Variants in EFCAB8 observed in about 807,000 individuals in gnomAD.
EFCAB8 encodes the protein EF-hand calcium binding domain 8.
EFCAB8 carries 100 observed loss-of-function variants against 116.3 expected under a neutral mutation model. That is an observed-to-expected ratio of 0.86 (90% confidence interval 0.73 to 1.02). The LOEUF (loss-of-function observed/expected upper bound fraction) is 1.02. Ranked by LOEUF, EFCAB8 falls within the 50% of genes least tolerant of loss-of-function variation. The probability of loss-of-function intolerance (pLI) is 0.00; values close to 1 mark genes in which losing one functional copy is unlikely to be tolerated. For synonymous variants in EFCAB8, 558 were observed against 567.9 expected (o/e 0.98, Z 0.25); for missense variants, 1,320 against 1,416.9 (o/e 0.93, Z 1.10).
intron 1 of EFCAB8, among the ~76,000 whole-genome samples, chr20:32,860,607 A>G (rs1022821947): frequency 6.7e-6 from 1 of 148,696 alleles, no homozygotes; most frequent in Non-Finnish European, 1.5e-5. Flanking sequence ...CCTGGGTTCA[A>G]GCGATTCTCG....
chr20:32,929,983 A>G (rs78150898), intron 20 of EFCAB8, among the ~76,000 whole-genome samples: 3,222 of 152,312 alleles, frequency 0.021, 128 homozygotes, highest in African/African-American at 0.072. Context: ...TGGCTGGAAA[A>G]TATGGATATT....
In EFCAB8 at chr20:32,908,422, G is replaced by A; in HGVS notation, c.1446+10G>A. 8.0e-7 allele frequency: 1 copy of A among 1,250,016 alleles called. No individual in the cohort carries two copies. Among genetic ancestry groups the A allele is most frequent in the African/African-American group, 1.5e-5 (1 of 64,624 alleles). The allele number at this position is 1,250,016 out of a possible 1,614,324, so 77.4% of individuals were successfully genotyped here. ...CTGCAGCACCTACTCAGTGAGTGCTGTCCCAGGAGGGAGTGGGGTCAAGGC... is the reference window on the plus strand; with the variant it reads ...CTGCAGCACCTACTCAGTGAGTGCTATCCCAGGAGGGAGTGGGGTCAAGGC... On this transcript the variant is annotated intron_variant, in intron 14 of 26. Coordinates refer to ENST00000400522, the MANE Select transcript of EFCAB8 (RefSeq NM_001143967.2).
At chr20:32,886,209 T>G (rs1208067524) in intron 6 of EFCAB8, among the ~76,000 whole-genome samples, 1 of 152,190 alleles carries the variant, frequency 6.6e-6, no homozygotes, top group Non-Finnish European at 1.5e-5. Context: ...TTACAGTGCT[T>G]CTTTACAGTC....
chr20:32,907,859 G>C (rs1986750757), intron 13 of EFCAB8, among the ~76,000 whole-genome samples: 1 of 152,200 alleles, frequency 6.6e-6, no homozygotes, highest in Non-Finnish European at 1.5e-5. Context: ...GGAGGAATGG[G>C]AGGGGCCCCT....
At position 32,917,354 on chromosome 20, in the gene EFCAB8, C is replaced by T. The variant is rs768266732; in HGVS notation, c.1910C>T (p.Thr637Met). 4.6e-5 allele frequency: 72 copies of T among 1,551,678 alleles called. No homozygotes were observed. Among genetic ancestry groups the T allele is most frequent in the Admixed American group, 5.9e-5 (3 of 50,990 alleles). The change falls in exon 18 of 27, where the codon ACG (threonine) becomes ATG (methionine). Residue 637 changes from threonine (T) to methionine (M), a missense_variant. Coordinates refer to ENST00000400522, the MANE Select transcript of EFCAB8 (RefSeq NM_001143967.2). ...TGCTACCACTGGCAGACCTACCACA[C>T]GGAGGACATCCTGAGCATGGCCAAG... ...LLCYHWQTYH[T>M]EDILSMAKYR...
At chr20:32,898,943 T>C (rs1194370448) in intron 11 of EFCAB8, among the ~76,000 whole-genome samples, 1 of 152,238 alleles carries the variant, frequency 6.6e-6, no homozygotes, top group African/African-American at 2.4e-5. Context: ...TGAAAGCACG[T>C]ACCTCACTTC....
At chr20:32,932,362 G>A (rs946829162) in intron 22 of EFCAB8, among the ~76,000 whole-genome samples, 5 of 133,842 alleles carry the variant, frequency 3.7e-5, no homozygotes, top group African/African-American at 1.2e-4. Flanking sequence ...GGGCGACAGC[G>A]TGTGACTCTG....
At chr20:32,859,225 A>G (rs1324787196) in intron 1 of EFCAB8, among the ~76,000 whole-genome samples, 1 of 151,550 alleles carries the variant, frequency 6.6e-6, no homozygotes, top group Non-Finnish European at 1.5e-5. Context: ...CTGAATTCTC[A>G]CCCCTGTTCT....
intron 22 of EFCAB8, among the ~76,000 whole-genome samples, chr20:32,932,849 C>T (rs945253327): frequency 1.3e-5 from 2 of 152,190 alleles, no homozygotes; most frequent in African/African-American, 4.8e-5. Context: ...TTTTGATAGC[C>T]TTCTTGCAGT....
At chr20:32,935,192 CTTTTTTTTTTTTTTT>C in intron 22 of EFCAB8, among the ~76,000 whole-genome samples, 1 of 34,048 alleles carries the variant, frequency 2.9e-5, no homozygotes, top group East Asian at 6.3e-4. Flanking sequence ...TTCTTTCTTT[CTTTTTTTTTTTTTTT>C]TTTTTTTTTT....
intron 20 of EFCAB8, among the ~76,000 whole-genome samples, chr20:32,929,771 A>C (rs1987822919): frequency 6.6e-6 from 1 of 151,864 alleles, no homozygotes; most frequent in Non-Finnish European, 1.5e-5. Flanking sequence ...TACCACCCTC[A>C]CTATGCTCTC....
chr20:32,896,450 T>G lies in EFCAB8; in HGVS notation c.884-4T>G, dbSNP rs1352672536. The G allele has an allele frequency of 1.4e-6, 1 of 718,870 alleles. No individual in the cohort carries two copies. The highest frequency in any genetic ancestry group is 1.5e-5 in the South Asian group (1 of 67,588). 44.5% of individuals were successfully genotyped at this position (718,870 alleles called of 1,614,324 possible). ...ATGTGGACCTTGGTTTTTTCCCCTATCAGATCACTGGATCAAAGTTTCCTT... is the reference window on the plus strand; with the variant it reads ...ATGTGGACCTTGGTTTTTTCCCCTAGCAGATCACTGGATCAAAGTTTCCTT... On this transcript the variant is annotated splice_polypyrimidine_tract_variant and splice_region_variant and intron_variant, in intron 9 of 26. Coordinates refer to ENST00000400522, the MANE Select transcript of EFCAB8 (RefSeq NM_001143967.2).
intron 23 of EFCAB8, among the ~76,000 whole-genome samples, chr20:32,950,457 G>A (rs1052553825): frequency 6.6e-5 from 10 of 152,192 alleles, no homozygotes; most frequent in Non-Finnish European, 1.5e-4. Flanking sequence ...AACAGGGACA[G>A]GTTTATTTTA....
chr20:32,944,737 T>G (rs1421126410), intron 23 of EFCAB8, among the ~76,000 whole-genome samples: 1 of 152,142 alleles, frequency 6.6e-6, no homozygotes, highest in Non-Finnish European at 1.5e-5. Flanking sequence ...TTCCTGGATA[T>G]AGTATTTTTG....
chr20:32,931,635 G>A (rs748264864), intron 22 of EFCAB8, among the ~76,000 whole-genome samples: 3 of 152,106 alleles, frequency 2.0e-5, no homozygotes, highest in Non-Finnish European at 4.4e-5. Context: ...TGCACTCCTT[G>A]TAATCCCAGC....
At chr20:32,956,282 GTCA>G (rs1196664285) in intron 23 of EFCAB8, among the ~76,000 whole-genome samples, 3 of 151,980 alleles carry the variant, frequency 2.0e-5, no homozygotes, top group Non-Finnish European at 4.4e-5. Flanking sequence ...ATAAGACATT[GTCA>G]TTATTATTTC....
chr20:32,861,028 T>G (rs1600349625), intron 1 of EFCAB8, among the ~76,000 whole-genome samples: 1 of 152,138 alleles, frequency 6.6e-6, no homozygotes, highest in African/African-American at 2.4e-5. Context: ...TGAGCCACTG[T>G]GCCTGGCCTG....
intron 20 of EFCAB8, among the ~76,000 whole-genome samples, chr20:32,927,406 G>A (rs561605868): frequency 3.9e-4 from 60 of 152,110 alleles, no homozygotes; most frequent in African/African-American, 1.2e-3. Flanking sequence ...GTGCAGTGAC[G>A]TGATCTTGGT....
intron 2 of EFCAB8, 102 bp downstream of exon 2, chr20:32,863,936 AG>A (rs543181076): frequency 7.6e-7 from 1 of 1,322,042 alleles, no homozygotes. Context: ...TGCATCGGGG[AG>A]GGGGTTGCAT....
Sources: allele counts gnomAD v4.1 joint callset (sites outside exome capture counted in the v4.1 genomes callset), GRCh38; gene constraint gnomAD v4.1.1; transcripts MANE v1.5; gene names NCBI Gene and HGNC (gene_info 2026-07-23, HGNC 2026-07-21).